Variants in DLG2 observed in about 807,000 individuals in gnomAD.
The protein encoded by DLG2 is disks large homolog 2.
Under a neutral mutation model 132.5 loss-of-function variants are expected in DLG2, and 45 were observed. The observed-to-expected ratio is 0.34, with a 90% CI of 0.27 to 0.44. DLG2 has a LOEUF of 0.44. Among genes scored for constraint, DLG2 ranks in the 20% least tolerant of loss-of-function variants. The pLI, the probability that DLG2 is intolerant of heterozygous loss-of-function variation, is 1.00. For synonymous variants in DLG2, 424 were observed against 419.6 expected, an observed-to-expected ratio of 1.01 and a Z score of -0.13; for missense variants, 1,045 against 1,196.9, an observed-to-expected ratio of 0.87 and a Z score of 1.87.
intron 6 of DLG2, among the ~76,000 whole-genome samples, chr11:84,777,919 C>T (rs538605589): frequency 6.6e-6 from 1 of 152,124 alleles, no homozygotes; most frequent in Admixed American, 6.6e-5. Flanking sequence ...TTCACTCTGT[C>T]AATTATTTCC....
At chr11:85,112,034 A>C (rs2152323013) in intron 5 of DLG2, among the ~76,000 whole-genome samples, 1 of 152,174 alleles carries the variant, frequency 6.6e-6, no homozygotes, top group Non-Finnish European at 1.5e-5. Context: ...TACAACCCAT[A>C]GGCTGACTGT....
At chr11:84,277,135 T>C (rs1001268075) in intron 7 of DLG2, among the ~76,000 whole-genome samples, 2 of 152,192 alleles carry the variant, frequency 1.3e-5, no homozygotes, top group South Asian at 4.1e-4. Flanking sequence ...ACAATTATAA[T>C]TGAAGATATC....
chr11:84,720,439 A>C lies in DLG2; in HGVS notation c.358-185708T>G, dbSNP rs572066534. 5.1e-3 allele frequency: 5,022 copies of C among 985,396 alleles called. 20 individuals are homozygous for C. Among genetic ancestry groups the C allele is most frequent in the South Asian group, 6.6e-3 (140 of 21,288 alleles). 61.0% of individuals were successfully genotyped at this position (985,396 alleles called of 1,614,324 possible). ...CAGTGGCAGCTCGCTGGGGGACCCA[A>C]ACGCTGTGCTCGCCGGGCACATGGA... On this transcript the variant is annotated intron_variant, in intron 6 of 27. Coordinates refer to ENST00000376104, the MANE Select transcript of DLG2 (RefSeq NM_001142699.3).
At chr11:85,165,370 A>G (rs1411710628) in intron 4 of DLG2, among the ~76,000 whole-genome samples, 3 of 152,198 alleles carry the variant, frequency 2.0e-5, no homozygotes, top group Admixed American at 2.0e-4. Context: ...ATCAGAATGG[A>G]GTCATTCATG....
chr11:85,565,816 T>C (rs2077498099), intron 3 of DLG2, among the ~76,000 whole-genome samples: 1 of 152,148 alleles, frequency 6.6e-6, no homozygotes, highest in African/African-American at 2.4e-5. Context: ...TGAACATTAG[T>C]TTACACATCT....
At chr11:85,185,170 T>G (rs765318416) in intron 4 of DLG2, among the ~76,000 whole-genome samples, 1 of 152,014 alleles carries the variant, frequency 6.6e-6, no homozygotes, top group Non-Finnish European at 1.5e-5. Flanking sequence ...AGATGCAGTT[T>G]GGTTTGCAGA....
Position 85,149,488 on chromosome 11 carries a change from C to T in DLG2, c.282+5068G>A, listed in dbSNP as rs371131355. On this transcript the variant is annotated intron_variant, in intron 5 of 27. Transcript: ENST00000376104. ...ATCTTGATTATCTGATGCCACTTCC[C>T]ATCCCATCTTTGTTCTAATAATCTT... Among the ~76,000 whole-genome samples, 170 of 152,168 alleles carry T rather than the reference C, an allele frequency of 1.1e-3. 3 individuals are homozygous for T. The South Asian group carries it at 0.017, about 15-fold the overall frequency.
At chr11:85,528,065 T>C (rs1451881204) in intron 3 of DLG2, among the ~76,000 whole-genome samples, 2 of 152,224 alleles carry the variant, frequency 1.3e-5, no homozygotes, top group African/African-American at 4.8e-5. Context: ...TTTAAGTTCT[T>C]TGTAGATTCT....
At chr11:85,463,125 G>C (rs1462366502) in intron 3 of DLG2, among the ~76,000 whole-genome samples, 1 of 152,208 alleles carries the variant, frequency 6.6e-6, no homozygotes, top group Non-Finnish European at 1.5e-5. Context: ...CCAGTGTATA[G>C]TATTTTGTTA....
At chr11:84,725,771 A>C (rs1445097130) in intron 6 of DLG2, among the ~76,000 whole-genome samples, 3 of 152,166 alleles carry the variant, frequency 2.0e-5, no homozygotes, top group Non-Finnish European at 2.9e-5. Context: ...ACATATTGCA[A>C]AATGCCTGTC....
intron 15 of DLG2, among the ~76,000 whole-genome samples, chr11:83,908,028 T>C (rs568746453): frequency 2.5e-4 from 38 of 152,288 alleles, no homozygotes; most frequent in Admixed American, 1.0e-3. Flanking sequence ...TAAGCAAGTT[T>C]ATTGGTTTCT....
At chr11:85,616,400 A>C (rs560184526) in intron 2 of DLG2, among the ~76,000 whole-genome samples, 1 of 152,350 alleles carries the variant, frequency 6.6e-6, no homozygotes, top group South Asian at 2.1e-4. Flanking sequence ...CATCATAAGA[A>C]GGCAAGTAAC....
intron 6 of DLG2, among the ~76,000 whole-genome samples, chr11:84,750,496 T>TA (rs1264064400): frequency 1.3e-5 from 2 of 152,122 alleles, no homozygotes; most frequent in Non-Finnish European, 2.9e-5. Context: ...AATCTTTGTT[T>TA]AAAACATTTT....
intron 19 of DLG2, among the ~76,000 whole-genome samples, chr11:83,607,919 G>A (rs943820104): frequency 6.6e-6 from 1 of 152,192 alleles, no homozygotes; most frequent in African/African-American, 2.4e-5. Context: ...ATAGGCCAGG[G>A]CTAATCTATG....
At chr11:84,782,315 T>G (rs1306465438) in intron 6 of DLG2, among the ~76,000 whole-genome samples, 1 of 152,018 alleles carries the variant, frequency 6.6e-6, no homozygotes, top group African/African-American at 2.4e-5. Context: ...CCTTTAAGTT[T>G]TTAAGTTTTG....
At chr11:83,871,641 C>CAATGATTATGTGCCAT (rs1464275943) in intron 16 of DLG2, among the ~76,000 whole-genome samples, 4 of 152,208 alleles carry the variant, frequency 2.6e-5, no homozygotes, top group African/African-American at 7.2e-5. Flanking sequence ...ACTATGTGCA[C>CAATGATTATGTGCCAT]GTTATCTCTT....
At chr11:83,883,371 C>T (rs566288012) in intron 15 of DLG2, among the ~76,000 whole-genome samples, 390 of 152,238 alleles carry the variant, frequency 2.6e-3, no homozygotes, top group Middle Eastern at 0.01. Context: ...AGTTCTATTT[C>T]ATTTTTCTTA....
chr11:85,001,310 C>T (rs1452137092), intron 6 of DLG2, among the ~76,000 whole-genome samples: 1 of 152,080 alleles, frequency 6.6e-6, no homozygotes, highest in Non-Finnish European at 1.5e-5. Flanking sequence ...GTTGCCCACA[C>T]TGGTTTTGAA....
intron 3 of DLG2, among the ~76,000 whole-genome samples, chr11:85,527,880 G>T (rs1181056154): frequency 1.3e-5 from 2 of 151,936 alleles, no homozygotes; most frequent in African/African-American, 4.8e-5. Flanking sequence ...CTTTTTAATG[G>T]TCACCATTCT....
Sources: gnomAD v4.1 joint callset for allele counts (sites outside exome capture counted in the v4.1 genomes callset) on GRCh38, gnomAD v4.1.1 for gene constraint, MANE v1.5 for transcripts, NCBI Gene and HGNC (gene_info 2026-07-23, HGNC 2026-07-21) for gene names.